STYK1: variants seen among roughly 807,000 people sequenced by gnomAD.
STYK1 encodes the protein STY kinase 1, also known as tyrosine-protein kinase STYK1.
In STYK1, 46 loss-of-function variants were observed where a neutral mutation model predicts 48.1. The observed-to-expected ratio is 0.96, with a 90% CI of 0.75 to 1.22. The LOEUF (loss-of-function observed/expected upper bound fraction) is 1.22. Ranked by LOEUF, STYK1 falls within the 50% of genes most tolerant of loss-of-function variation. STYK1 has a pLI of 0.00. For missense variants in STYK1, 527 were observed against 521.1 expected (o/e 1.01, Z -0.11); for synonymous variants, 188 against 189.0 (o/e 0.99, Z 0.04).
intron 1 of STYK1, among the ~76,000 whole-genome samples, chr12:10,663,462 G>A (rs1192466724): frequency 4.0e-5 from 6 of 151,888 alleles, no homozygotes; most frequent in South Asian, 2.1e-4. Context: ...AGCCAGGCGC[G>A]GTGACAGGCG....
intron 5 of STYK1, among the ~76,000 whole-genome samples, chr12:10,630,828 A>T (rs1158726022): frequency 4.6e-5 from 7 of 152,020 alleles, no homozygotes; most frequent in Admixed American, 4.6e-4. Flanking sequence ...CATTTTAGTT[A>T]TTATTTGGAG....
rs1174707035 is a variant in STYK1 at position 10,619,383 on chromosome 12, C to G, written c.*761G>C. On this transcript the variant is annotated 3_prime_UTR_variant, in exon 11 of 11. Coordinates refer to ENST00000075503, the MANE Select transcript of STYK1 (RefSeq NM_018423.3). ...ACACACACACACAGAATTCTTTTCA[C>G]TGTTCTAACATTGACTCTCTAGGCT... is the stretch of plus-strand genomic sequence containing the variant. The G allele has an allele frequency of 6.7e-6, 1 of 149,256 alleles. No individual in the cohort carries two copies. The highest frequency in any genetic ancestry group is 2.4e-5 in the African/African-American group (1 of 41,068). 9.2% of individuals were successfully genotyped at this position (149,256 alleles called of 1,614,324 possible).
Position 10,627,709 on chromosome 12 carries a change from C to A in STYK1, c.649G>T (p.Asp217Tyr). Reference sequence around the variant, plus strand: ...TCTGTGAGATCATAGAGAAGACCATCCATAGTCATCACATCCTAAAGAGAC... The same window carrying A: ...TCTGTGAGATCATAGAGAAGACCATACATAGTCATCACATCCTAAAGAGAC... Reference protein sequence around the residue: ...WTCRRDVMTMDGLLYDLTEKQ... With the variant: ...WTCRRDVMTMYGLLYDLTEKQ... The change falls in exon 7 of 11, where the codon GAT becomes TAT. Residue 217 changes from aspartate (D) to tyrosine (Y), a missense_variant. Transcript: ENST00000075503. 6.2e-7 allele frequency: 1 copy of A among 1,612,402 alleles called. No homozygotes were observed. Among genetic ancestry groups the A allele is most frequent in the Non-Finnish European group, 8.5e-7 (1 of 1,179,484 alleles).
chr12:10,658,479 A>T (rs1263925209), intron 1 of STYK1, among the ~76,000 whole-genome samples: 1 of 152,204 alleles, frequency 6.6e-6, no homozygotes, highest in Middle Eastern at 3.2e-3. Context: ...TGTCTTTTTA[A>T]AATTTTTGAG....
intron 1 of STYK1, among the ~76,000 whole-genome samples, chr12:10,651,407 A>G (rs928285355): frequency 1.3e-5 from 2 of 152,168 alleles, no homozygotes; most frequent in African/African-American, 4.8e-5. Flanking sequence ...TTGTACTCTT[A>G]AGCAAATTAC....
chr12:10,650,086 T>C (rs1436579098), intron 1 of STYK1, among the ~76,000 whole-genome samples: 1 of 114,972 alleles, frequency 8.7e-6, no homozygotes, highest in Non-Finnish European at 1.6e-5. Flanking sequence ...CACTCCAGCC[T>C]GGGCAACTGA....
In STYK1 at chr12:10,622,650, T is replaced by G; in HGVS notation, c.955A>C (p.Met319Leu). Residue 319 changes from methionine to leucine, a missense_variant, in exon 9 of 11, where the codon ATG (methionine) becomes CTG (leucine). Transcript: ENST00000075503. The part of the protein sequence containing the change: ...VWSFGILLYE[M>L]VTLGAPPYPE... Reference sequence around the variant, plus strand: ...GGCTCATCCTTACCTAGAGTCACCATCTCATAGAGCAGGATCCCAAAAGAC... The same window carrying G: ...GGCTCATCCTTACCTAGAGTCACCAGCTCATAGAGCAGGATCCCAAAAGAC... 6.2e-7 allele frequency: 1 copy of G among 1,613,978 alleles called. No homozygotes were observed. The highest frequency in any genetic ancestry group is 8.5e-7 in the Non-Finnish European group (1 of 1,179,912).
At chr12:10,653,340 C>G (rs1406353049) in intron 1 of STYK1, among the ~76,000 whole-genome samples, 2 of 152,022 alleles carry the variant, frequency 1.3e-5, no homozygotes, top group African/African-American at 4.8e-5. Flanking sequence ...GCATGATCCA[C>G]CATGCCTGGC....
chr12:10,620,351 G>A lies in STYK1; in HGVS notation c.1065-3C>T, dbSNP rs892082929. 6.2e-7 allele frequency: 1 copy of A among 1,612,272 alleles called. No homozygotes were observed. On this transcript the variant is annotated splice_polypyrimidine_tract_variant and splice_region_variant and intron_variant, in intron 10 of 10. Transcript: ENST00000075503. ...AGCAGGACTTCATGATACTGTACCTGAGAGGGAAACAAGAGAAACTGACTT... is the reference window on the plus strand; with the variant it reads ...AGCAGGACTTCATGATACTGTACCTAAGAGGGAAACAAGAGAAACTGACTT...
chr12:10,630,999 A>G (rs752205200), intron 5 of STYK1, 46 bp downstream of exon 5: 1 of 1,602,300 alleles, frequency 6.2e-7, no homozygotes, highest in African/African-American at 1.3e-5. Context: ...AAGCCTGTTA[A>G]TATTTACTGT....
At chr12:10,663,715 A>G (rs755785524) in intron 1 of STYK1, among the ~76,000 whole-genome samples, 1 of 147,208 alleles carries the variant, frequency 6.8e-6, no homozygotes, top group Non-Finnish European at 1.5e-5. Context: ...GTTCTCATAA[A>G]TTTTAGAATC....
chr12:10,624,931 C>G lies in STYK1; in HGVS notation c.718-72G>C. On this transcript the variant is annotated intron_variant, in intron 7 of 10. Transcript: ENST00000075503. ...TGGGTCACAGACAAGGAGAGGCAGT[C>G]CTAGGAATCTTCAAAAACACAAGGA... 11 of 1,360,466 alleles carry G rather than the reference C, an allele frequency of 8.1e-6. No homozygotes were observed. The South Asian group carries it at 1.3e-4, about 16-fold the overall frequency. 84.3% of individuals were successfully genotyped at this position (1,360,466 alleles called of 1,614,324 possible).
At chr12:10,660,156 T>A (rs1348710266) in intron 1 of STYK1, among the ~76,000 whole-genome samples, 1 of 152,226 alleles carries the variant, frequency 6.6e-6, no homozygotes, top group East Asian at 1.9e-4. Flanking sequence ...TTGCTTATTT[T>A]GCTCTACTCT....
At chr12:10,625,439 G>A (rs572224381) in intron 7 of STYK1, among the ~76,000 whole-genome samples, 4 of 152,174 alleles carry the variant, frequency 2.6e-5, no homozygotes, top group East Asian at 3.9e-4. Context: ...GGATGGTCTC[G>A]ATTTCCTGAC....
intron 1 of STYK1, among the ~76,000 whole-genome samples, chr12:10,662,870 T>A (rs190197769): frequency 6.6e-6 from 1 of 152,344 alleles, no homozygotes; most frequent in Admixed American, 6.5e-5. Context: ...CAGTTTTGTG[T>A]TTGATTGCTA....
Position 10,673,674 on chromosome 12 carries a change from A to G in STYK1, c.-195+292T>C, listed in dbSNP as rs1475476486. 4 of 149,990 alleles carry G rather than the reference A, an allele frequency of 2.7e-5. No individual in the cohort carries two copies. In the East Asian group the frequency reaches 7.9e-4, roughly 30 times the overall value. The allele number at this position is 149,990 out of a possible 1,614,324, so 9.3% of individuals were successfully genotyped here. On this transcript the variant is annotated intron_variant, in intron 1 of 10. Coordinates refer to ENST00000075503, the MANE Select transcript of STYK1 (RefSeq NM_018423.3). ...CTCCAGGAATAAACAGAGGTCCCCC[A>G]TTCCTGGGTTTTCTCATGTTTCTCT... is the stretch of plus-strand genomic sequence containing the variant.
chr12:10,626,813 T>C (rs1367267938), intron 7 of STYK1, among the ~76,000 whole-genome samples: 1 of 152,128 alleles, frequency 6.6e-6, no homozygotes, highest in South Asian at 2.1e-4. Flanking sequence ...GAGACCATCC[T>C]GGCTAACACA....
intron 1 of STYK1, among the ~76,000 whole-genome samples, chr12:10,667,786 G>A (rs1189369748): frequency 6.6e-6 from 1 of 152,188 alleles, no homozygotes; most frequent in African/African-American, 2.4e-5. Context: ...ACTGCTGGGG[G>A]CTAAGGAAAG....
Position 10,620,187 on chromosome 12 carries a change from C to A in STYK1, c.1226G>T (p.Gly409Val). 6.2e-7 allele frequency: 1 copy of A among 1,614,218 alleles called. No homozygotes were observed. The highest frequency in any genetic ancestry group is 8.5e-7 in the Non-Finnish European group (1 of 1,180,048). Residue 409 changes from glycine to valine, a missense_variant, in exon 11 of 11, where the codon GGC becomes GTC. Coordinates refer to ENST00000075503, the MANE Select transcript of STYK1 (RefSeq NM_018423.3). ...GTAGAAGAGGCTCTCCACTCTGATG[C>A]CGGCCACAGCTGCATACAGTTCAGG... is the stretch of plus-strand genomic sequence containing the variant. ...VVPELYAAVA[G>V]IRVESLFYNY...
Sources: gnomAD v4.1 joint callset for allele counts (sites outside exome capture counted in the v4.1 genomes callset) on GRCh38, gnomAD v4.1.1 for gene constraint, MANE v1.5 for transcripts, NCBI Gene and HGNC (gene_info 2026-07-23, HGNC 2026-07-21) for gene names.